Variants in TMEM108 observed in about 807,000 individuals in gnomAD.
The protein encoded by TMEM108 is transmembrane protein 108, also known as cancer/testis antigen 124.
A neutral mutation model predicts 35.1 loss-of-function variants in TMEM108; 12 were observed. That is an observed-to-expected ratio of 0.34 (90% CI 0.22 to 0.55). The LOEUF is 0.55. Ranked by LOEUF, TMEM108 falls within the 20% of genes least tolerant of loss-of-function variation. The pLI, the probability that TMEM108 is intolerant of heterozygous loss-of-function variation, is 0.89. For synonymous variants in TMEM108, 287 were observed against 308.6 expected (o/e 0.93, Z 0.73); for missense variants, 680 against 753.3 (o/e 0.90, Z 1.14).
chr3:133,161,529 TATATG>T (rs1944961792), intron 2 of TMEM108, among the ~76,000 whole-genome samples: 1 of 152,168 alleles, frequency 6.6e-6, no homozygotes, highest in African/African-American at 2.4e-5. Context: ...GAATAAATGA[TATATG>T]GTAAGTGCTC....
intron 2 of TMEM108, among the ~76,000 whole-genome samples, chr3:133,114,647 A>C (rs1173997394): frequency 2.0e-5 from 3 of 152,054 alleles, no homozygotes; most frequent in Non-Finnish European, 4.4e-5. Flanking sequence ...TTTAAAGCTG[A>C]AAAAAATGAG....
intron 3 of TMEM108, among the ~76,000 whole-genome samples, chr3:133,280,541 G>T (rs1402891843): frequency 6.6e-6 from 1 of 152,128 alleles, no homozygotes; most frequent in East Asian, 1.9e-4. Flanking sequence ...ACAGAACTAA[G>T]TAGGAAACGT....
At chr3:133,063,855 A>G (rs138646707) in intron 2 of TMEM108, among the ~76,000 whole-genome samples, 4 of 152,278 alleles carry the variant, frequency 2.6e-5, no homozygotes, top group East Asian at 1.9e-4. Flanking sequence ...CTTGAGACCA[A>G]GCATTCATTA....
intron 2 of TMEM108, among the ~76,000 whole-genome samples, chr3:133,054,746 C>CAAATGA (rs1470811281): frequency 1.3e-5 from 2 of 152,200 alleles, no homozygotes. Flanking sequence ...AATGATGGTC[C>CAAATGA]TGGCTCTATT....
chr3:133,083,784 A>G (rs1943845275), intron 2 of TMEM108, among the ~76,000 whole-genome samples: 1 of 152,182 alleles, frequency 6.6e-6, no homozygotes, highest in South Asian at 2.1e-4. Flanking sequence ...GGGACAGGAC[A>G]GTCATGTAAT....
intron 3 of TMEM108, among the ~76,000 whole-genome samples, chr3:133,326,107 G>A (rs1559905385): frequency 6.6e-6 from 1 of 152,072 alleles, no homozygotes; most frequent in African/African-American, 2.4e-5. Context: ...ACAACAAAAA[G>A]TAAAACAAAA....
chr3:133,086,300 G>A (rs960636035), intron 2 of TMEM108, among the ~76,000 whole-genome samples: 2 of 151,958 alleles, frequency 1.3e-5, no homozygotes, highest in Admixed American at 6.6e-5. Flanking sequence ...GAGCATTTGA[G>A]CTTTTTTTTT....
At chr3:133,161,744 A>G (rs552726737) in intron 2 of TMEM108, among the ~76,000 whole-genome samples, 2 of 150,478 alleles carry the variant, frequency 1.3e-5, no homozygotes, top group South Asian at 2.1e-4. Context: ...TTTTTCACCT[A>G]TAACAGAACT....
intron 3 of TMEM108, among the ~76,000 whole-genome samples, chr3:133,349,414 T>G (rs1352953013): frequency 6.6e-6 from 1 of 151,932 alleles, no homozygotes. Flanking sequence ...TTTAAGAAGT[T>G]AAAAGCACAG....
chr3:133,297,995 G>T (rs1377346083), intron 3 of TMEM108, among the ~76,000 whole-genome samples: 7 of 152,136 alleles, frequency 4.6e-5, no homozygotes, highest in African/African-American at 1.7e-4. Context: ...TCCCTACCTT[G>T]TAAGTCTCAG....
intron 3 of TMEM108, chr3:133,378,336 C>T (rs572139052): frequency 2.0e-5 from 20 of 985,500 alleles, no homozygotes; most frequent in Middle Eastern, 5.2e-4. Flanking sequence ...CTCTGCTTCT[C>T]GCCAGGGCCC....
Position 133,379,945 on chromosome 3 carries a change from A to C in TMEM108, c.234A>C (p.Ala78=), listed in dbSNP as rs751920405. 24 of 1,612,658 alleles carry C rather than the reference A, an allele frequency of 1.5e-5. No homozygotes were observed. The highest frequency in any genetic ancestry group is 1.9e-5 in the Non-Finnish European group (22 of 1,179,566). ...CCGATGGACCCCCCTCACAGGCTGC[A>C]GCTCCCATGGCAACACCGACACCCC... ...PNPDGPPSQA[A]APMATPTPRA... Residue 78 remains alanine, a synonymous_variant, in exon 4 of 6, where the codon GCA becomes GCC. Transcript: ENST00000321871.
At chr3:133,041,369 C>G (rs1324102117) in intron 1 of TMEM108, among the ~76,000 whole-genome samples, 3 of 152,042 alleles carry the variant, frequency 2.0e-5, no homozygotes, top group Non-Finnish European at 4.4e-5. Context: ...CTCATGTCAC[C>G]CCCCAGGGCT....
At chr3:133,370,476 C>G (rs955176510) in intron 3 of TMEM108, among the ~76,000 whole-genome samples, 2 of 152,184 alleles carry the variant, frequency 1.3e-5, no homozygotes, top group African/African-American at 2.4e-5. Flanking sequence ...CCTTGACCAC[C>G]TGGCTGAGGT....
At chr3:133,154,141 T>C (rs1368221253) in intron 2 of TMEM108, among the ~76,000 whole-genome samples, 1 of 152,114 alleles carries the variant, frequency 6.6e-6, no homozygotes. Flanking sequence ...GGGTTGTTTG[T>C]TTTTTTCTTG....
At chr3:133,173,697 A>G (rs1945164453) in intron 2 of TMEM108, among the ~76,000 whole-genome samples, 1 of 152,200 alleles carries the variant, frequency 6.6e-6, no homozygotes, top group Admixed American at 6.5e-5. Context: ...CCTAAAAAAT[A>G]AAATGGCCAG....
intron 2 of TMEM108, among the ~76,000 whole-genome samples, chr3:133,071,913 C>G (rs1216792859): frequency 6.6e-6 from 1 of 152,144 alleles, no homozygotes; most frequent in Non-Finnish European, 1.5e-5. Flanking sequence ...ATCACCAAGT[C>G]AAATTCCAAT....
intron 3 of TMEM108, among the ~76,000 whole-genome samples, chr3:133,370,687 T>A (rs1372108840): frequency 6.6e-6 from 1 of 152,318 alleles, no homozygotes; most frequent in East Asian, 1.9e-4. Flanking sequence ...AATTTGACTC[T>A]CATTTTTGTT....
chr3:133,333,894 T>A (rs2071439034), intron 3 of TMEM108, among the ~76,000 whole-genome samples: 1 of 152,226 alleles, frequency 6.6e-6, no homozygotes. Flanking sequence ...ATCAGGAGAT[T>A]GAATTTCAAA....
Sources: gnomAD v4.1 joint callset for allele counts (sites outside exome capture counted in the v4.1 genomes callset) on GRCh38, gnomAD v4.1.1 for gene constraint, MANE v1.5 for transcripts, NCBI Gene and HGNC (gene_info 2026-07-23, HGNC 2026-07-21) for gene names.